ENOX2: variants seen among roughly 807,000 people sequenced by gnomAD.
The protein encoded by ENOX2 is APK1 antigen.
A neutral mutation model predicts 45.0 loss-of-function variants in ENOX2; 36 were observed. The ratio of observed to expected loss-of-function variants is 0.80; its 90% CI spans 0.61 to 1.06. The LOEUF (loss-of-function observed/expected upper bound fraction) is 1.06. Ranked by LOEUF, ENOX2 falls within the 50% of genes least tolerant of loss-of-function variation. The pLI is 0.00. For missense variants in ENOX2, 423 were observed against 462.5 expected (o/e 0.91, Z 0.78); for synonymous variants, 174 against 152.3 (o/e 1.14, Z -1.05).
At chrX:130,700,407 C>A (rs2037869001) in intron 4 of ENOX2, among the ~76,000 whole-genome samples, 1 of 111,936 alleles carries the variant, frequency 8.9e-6, no homozygotes, top group African/African-American at 3.3e-5. Context: ...GAATTACATA[C>A]AGGTCAAAGA....
In ENOX2 at chrX:130,887,730, T is replaced by C. The variant is rs769453337; in HGVS notation, c.-183+13954A>G. Reference sequence around the variant, plus strand: ...ATTGGAGAATTCGTTCGGGATTTCATACATCAGTGCCTAAAGAAACAGCAT... The same window carrying C: ...ATTGGAGAATTCGTTCGGGATTTCACACATCAGTGCCTAAAGAAACAGCAT... On this transcript the variant is annotated intron_variant, in intron 2 of 14. Transcript: ENST00000394363. Among the ~76,000 whole-genome samples the C allele has an allele frequency of 3.7e-4, 41 of 111,817 alleles. 1 individual carries two copies. In the Admixed American group the frequency reaches 3.7e-3, roughly 10 times the overall value.
chrX:130,667,278 G>A (rs1039507120), intron 8 of ENOX2, among the ~76,000 whole-genome samples: 1 of 112,012 alleles, frequency 8.9e-6, no homozygotes, highest in African/African-American at 3.2e-5. Flanking sequence ...AGTATAGGAT[G>A]TGGCCTAAGG....
intron 3 of ENOX2, among the ~76,000 whole-genome samples, chrX:130,721,607 G>C (rs2038479920): frequency 9.0e-6 from 1 of 111,422 alleles, no homozygotes; most frequent in African/African-American, 3.3e-5. Context: ...CTGGCTATAG[G>C]AGACTCGGGC....
At chrX:130,813,964 C>A (rs1449299092) in intron 2 of ENOX2, among the ~76,000 whole-genome samples, 1 of 112,244 alleles carries the variant, frequency 8.9e-6, no homozygotes, top group Non-Finnish European at 1.9e-5. Context: ...GTGGATCCCA[C>A]CCCCATGGAG....
intron 3 of ENOX2, among the ~76,000 whole-genome samples, chrX:130,758,444 T>C (rs1186184748): frequency 1.8e-5 from 2 of 112,694 alleles, no homozygotes; most frequent in Admixed American, 1.9e-4. Context: ...GTTGCATGTG[T>C]TGACACTTTG....
At chrX:130,760,028 TAA>T (rs1183449261) in intron 3 of ENOX2, among the ~76,000 whole-genome samples, 1 of 112,035 alleles carries the variant, frequency 8.9e-6, no homozygotes, top group Non-Finnish European at 1.9e-5. Flanking sequence ...CACATTTCAG[TAA>T]ATTTATATTT....
At chrX:130,733,602 T>C (rs780139633) in intron 3 of ENOX2, among the ~76,000 whole-genome samples, 3 of 112,608 alleles carry the variant, frequency 2.7e-5, no homozygotes, top group South Asian at 7.3e-4. Flanking sequence ...TGGCAAGCCC[T>C]ACAATGGAAT....
intron 12 of ENOX2, among the ~76,000 whole-genome samples, chrX:130,632,030 A>T (rs1023100327): frequency 7.2e-5 from 8 of 111,006 alleles, no homozygotes; most frequent in Non-Finnish European, 1.3e-4. Context: ...TTGTTTTTTT[A>T]AAAAAGTTTA....
At position 130,829,180 on chromosome X, in the gene ENOX2, C is replaced by T. The variant is rs193092194; in HGVS notation, c.-182-45490G>A. Among the ~76,000 whole-genome samples the T allele has an allele frequency of 7.4e-3, 820 of 111,091 alleles. 6 individuals carry two copies. The highest frequency in any genetic ancestry group is 0.012 in the Non-Finnish European group (611 of 52,875). ...AAGAAGCAATAAGAACAAAAGTCAC[C>T]TATTCCTCAATAGCTGGCATAAGAA... On this transcript the variant is annotated intron_variant, in intron 2 of 14. Transcript: ENST00000394363.
intron 3 of ENOX2, among the ~76,000 whole-genome samples, chrX:130,780,551 G>A (rs1053770969): frequency 1.8e-5 from 2 of 111,931 alleles, no homozygotes; most frequent in Admixed American, 1.9e-4. Flanking sequence ...AATCTGCAAA[G>A]TGTATTACCA....
At chrX:130,675,529 A>G (rs1337454375) in intron 6 of ENOX2, among the ~76,000 whole-genome samples, 2 of 112,661 alleles carry the variant, frequency 1.8e-5, no homozygotes, top group East Asian at 2.8e-4. Context: ...CAACGTTGAA[A>G]GAATTCATCA....
At chrX:130,798,374 C>T (rs1376104137) in intron 2 of ENOX2, among the ~76,000 whole-genome samples, 1 of 112,773 alleles carries the variant, frequency 8.9e-6, no homozygotes, top group Non-Finnish European at 1.9e-5. Context: ...AATGAGTATT[C>T]GCTGTCCAAA....
intron 3 of ENOX2, among the ~76,000 whole-genome samples, chrX:130,774,989 C>T (rs757342932): frequency 8.9e-6 from 1 of 112,115 alleles, no homozygotes; most frequent in South Asian, 3.7e-4. Flanking sequence ...CACTTGTTGC[C>T]ATTCTGTGGC....
At chrX:130,668,903 G>A (rs2036907856) in intron 7 of ENOX2, among the ~76,000 whole-genome samples, 1 of 111,971 alleles carries the variant, frequency 8.9e-6, no homozygotes, top group South Asian at 3.7e-4. Context: ...TGTGTGACTA[G>A]GCAAGTCTTG....
In ENOX2 at chrX:130,750,592, CT is replaced by C. The variant is rs759506789; in HGVS notation, c.-39+32954del. On this transcript the variant is annotated intron_variant, in intron 3 of 14. Transcript: ENST00000394363. ...TCCTCTCAGTTTCTCTGTTTCTTGTCTTTTGGCCTATAACACATGGTATCTG... is the reference window on the plus strand; with the variant it reads ...TCCTCTCAGTTTCTCTGTTTCTTGTCTTTGGCCTATAACACATGGTATCTG... Among the ~76,000 whole-genome samples the C allele has an allele frequency of 8.1e-5, 9 of 111,375 alleles. No homozygotes were observed. The South Asian group carries it at 3.5e-3, about 43-fold the overall frequency.
At chrX:130,894,428 CTT>C (rs762739513) in intron 2 of ENOX2, among the ~76,000 whole-genome samples, 6 of 95,253 alleles carry the variant, frequency 6.3e-5, no homozygotes, top group Admixed American at 1.1e-4. Context: ...ATGGAATATC[CTT>C]TTTTTTTTTT....
chrX:130,871,413 G>A (rs2078586266), intron 2 of ENOX2, among the ~76,000 whole-genome samples: 1 of 110,918 alleles, frequency 9.0e-6, no homozygotes, highest in South Asian at 3.8e-4. Flanking sequence ...TCTATAAGGG[G>A]GAACAAGTTT....
At chrX:130,719,876 T>C (rs1212815277) in intron 3 of ENOX2, among the ~76,000 whole-genome samples, 2 of 111,868 alleles carry the variant, frequency 1.8e-5, no homozygotes, top group East Asian at 5.6e-4. Context: ...GCTTCTATCT[T>C]TAAAAAGAAT....
At chrX:130,817,141 T>A (rs2077503085) in intron 2 of ENOX2, among the ~76,000 whole-genome samples, 1 of 111,834 alleles carries the variant, frequency 8.9e-6, no homozygotes, top group Non-Finnish European at 1.9e-5. Flanking sequence ...TATAAACACC[T>A]CTACGTAAAT....
Sources: allele counts gnomAD v4.1 joint callset (sites outside exome capture counted in the v4.1 genomes callset), GRCh38; gene constraint gnomAD v4.1.1; transcripts MANE v1.5; gene names NCBI Gene and HGNC (gene_info 2026-07-23, HGNC 2026-07-21).